The following CNTNAP2 variants were observed in gnomAD, a reference collection of about 807,000 sequenced individuals.
CNTNAP2 encodes contactin associated protein 2, also known as contactin-associated protein-like 2.
In CNTNAP2, 98 loss-of-function variants were observed where a neutral mutation model predicts 155.2. The observed-to-expected ratio is 0.63, with a 90% CI of 0.54 to 0.75. The LOEUF (loss-of-function observed/expected upper bound fraction) is 0.75. CNTNAP2 is among the 30% of genes least tolerant of loss of function. The pLI, the probability that CNTNAP2 is intolerant of heterozygous loss-of-function variation, is 0.00. For missense variants in CNTNAP2, 1,727 were observed against 1,688.1 expected (o/e 1.02, Z -0.40); for synonymous variants, 651 against 631.2 (o/e 1.03, Z -0.47).
At chr7:146,556,699 A>G (rs1798203489) in intron 1 of CNTNAP2, among the ~76,000 whole-genome samples, 1 of 152,182 alleles carries the variant, frequency 6.6e-6, no homozygotes. Flanking sequence ...TGAAACAAAC[A>G]TTACCCATAA....
intron 9 of CNTNAP2, among the ~76,000 whole-genome samples, chr7:147,366,369 A>G (rs1796229627): frequency 6.6e-6 from 1 of 151,970 alleles, no homozygotes; most frequent in South Asian, 2.1e-4. Context: ...TCCTCTCATC[A>G]GTTTTCTATT....
chr7:147,645,443 A>G (rs1158818762), intron 13 of CNTNAP2, among the ~76,000 whole-genome samples: 3 of 152,182 alleles, frequency 2.0e-5, no homozygotes, highest in African/African-American at 4.8e-5. Context: ...TAATTATTAT[A>G]CCCACTCATT....
chr7:146,598,383 C>T (rs983315312), intron 1 of CNTNAP2, among the ~76,000 whole-genome samples: 9 of 152,046 alleles, frequency 5.9e-5, no homozygotes, highest in African/African-American at 1.2e-4. Flanking sequence ...TTTCTCTGCA[C>T]GTCTTTTGGT....
intron 13 of CNTNAP2, among the ~76,000 whole-genome samples, chr7:147,814,594 A>G (rs977386434): frequency 1.3e-5 from 2 of 152,154 alleles, no homozygotes; most frequent in African/African-American, 2.4e-5. Context: ...TATATAACCT[A>G]TTGATTGTGA....
chr7:146,724,079 G>T (rs1018459957), intron 1 of CNTNAP2, among the ~76,000 whole-genome samples: 2 of 152,142 alleles, frequency 1.3e-5, no homozygotes, highest in Non-Finnish European at 2.9e-5. Context: ...TGCAGCCTGG[G>T]TAGTAGTGAA....
At chr7:147,257,798 G>A (rs967540864) in intron 8 of CNTNAP2, among the ~76,000 whole-genome samples, 1 of 152,122 alleles carries the variant, frequency 6.6e-6, no homozygotes, top group Non-Finnish European at 1.5e-5. Flanking sequence ...TAGAATCCAG[G>A]CTTCATGAAA....
At chr7:147,364,180 G>A (rs979424424) in intron 9 of CNTNAP2, among the ~76,000 whole-genome samples, 3 of 152,094 alleles carry the variant, frequency 2.0e-5, no homozygotes, top group Non-Finnish European at 2.9e-5. Context: ...GCTTACATAA[G>A]CTAGTCTACA....
intron 13 of CNTNAP2, among the ~76,000 whole-genome samples, chr7:147,764,173 A>G (rs1034945192): frequency 1.3e-5 from 2 of 152,104 alleles, no homozygotes; most frequent in African/African-American, 2.4e-5. Flanking sequence ...GCCCTACACC[A>G]TAGCTCACAG....
intron 1 of CNTNAP2, among the ~76,000 whole-genome samples, chr7:146,669,335 A>C (rs1328884781): frequency 6.6e-6 from 1 of 152,176 alleles, no homozygotes; most frequent in Non-Finnish European, 1.5e-5. Context: ...CACAAATCTG[A>C]ATAGAAACCT....
chr7:146,848,754 C>G (rs554301576), intron 3 of CNTNAP2, among the ~76,000 whole-genome samples: 6 of 152,216 alleles, frequency 3.9e-5, no homozygotes, highest in Non-Finnish European at 7.4e-5. Context: ...TTCTGACATG[C>G]AACAAAATAA....
At chr7:146,651,578 A>G (rs2129163717) in intron 1 of CNTNAP2, among the ~76,000 whole-genome samples, 1 of 152,268 alleles carries the variant, frequency 6.6e-6, no homozygotes, top group African/African-American at 2.4e-5. Flanking sequence ...CAGAAATTTC[A>G]CATTTTATGA....
intron 12 of CNTNAP2, among the ~76,000 whole-genome samples, chr7:147,599,852 A>G (rs551104360): frequency 6.6e-6 from 1 of 152,310 alleles, no homozygotes; most frequent in South Asian, 2.1e-4. Context: ...ATTTCCAAAT[A>G]AGATCACATT....
At chr7:146,416,709 G>A (rs962354700) in intron 1 of CNTNAP2, among the ~76,000 whole-genome samples, 3 of 152,046 alleles carry the variant, frequency 2.0e-5, no homozygotes, top group African/African-American at 7.2e-5. Context: ...GCTAATTGTG[G>A]TTAACTCTGC....
intron 9 of CNTNAP2, among the ~76,000 whole-genome samples, chr7:147,320,496 T>C (rs1047045225): frequency 2.6e-5 from 4 of 152,196 alleles, no homozygotes; most frequent in Non-Finnish European, 5.9e-5. Context: ...ATAGGACATT[T>C]TTATGTTCCT....
chr7:147,385,944 A>G (rs1337273701), intron 9 of CNTNAP2, among the ~76,000 whole-genome samples: 1 of 152,192 alleles, frequency 6.6e-6, no homozygotes, highest in East Asian at 1.9e-4. Context: ...ATGCATTTCC[A>G]TACATCCTCT....
At chr7:148,218,103 G>A (rs1033536980) in intron 19 of CNTNAP2, among the ~76,000 whole-genome samples, 1 of 152,218 alleles carries the variant, frequency 6.6e-6, no homozygotes, top group African/African-American at 2.4e-5. Flanking sequence ...TCCAGGCTGG[G>A]CAACAGAGTG....
intron 13 of CNTNAP2, among the ~76,000 whole-genome samples, chr7:147,676,704 T>C (rs956199141): frequency 1.3e-5 from 2 of 151,952 alleles, no homozygotes; most frequent in Non-Finnish European, 2.9e-5. Context: ...TTCTATTCTC[T>C]ACTTATATGA....
At chr7:147,444,881 T>G (rs956530075) in intron 10 of CNTNAP2, among the ~76,000 whole-genome samples, 9 of 152,290 alleles carry the variant, frequency 5.9e-5, no homozygotes, top group Non-Finnish European at 8.8e-5. Flanking sequence ...TTCCACAGGC[T>G]GTACAGGAAG....
chr7:148,394,354 A>G (rs1799418583), intron 22 of CNTNAP2, among the ~76,000 whole-genome samples: 1 of 152,078 alleles, frequency 6.6e-6, no homozygotes, highest in South Asian at 2.1e-4. Flanking sequence ...GGTCTATTAC[A>G]TTGATATGAT....
Sources: gnomAD v4.1 joint callset for allele counts (sites outside exome capture counted in the v4.1 genomes callset) on GRCh38, gnomAD v4.1.1 for gene constraint, MANE v1.5 for transcripts, NCBI Gene and HGNC (gene_info 2026-07-23, HGNC 2026-07-21) for gene names.